MREG: variants seen among roughly 807,000 people sequenced by gnomAD.
MREG encodes dilute suppressor protein homolog.
In MREG, 31 loss-of-function variants were observed where a neutral mutation model predicts 28.5. The ratio of observed to expected loss-of-function variants is 1.09; its 90% CI spans 0.82 to 1.47. The LOEUF (loss-of-function observed/expected upper bound fraction) is 1.47, where lower values mean the gene tolerates loss of function less well. Among genes scored for constraint, MREG ranks in the 40% most tolerant of loss-of-function variants. The probability of loss-of-function intolerance (pLI) is 0.00; values close to 1 mark genes in which losing one functional copy is unlikely to be tolerated. For missense variants in MREG, 256 were observed against 257.4 expected (o/e 0.99, Z 0.04); for synonymous variants, 106 against 95.2 (o/e 1.11, Z -0.66).
intron 2 of MREG, among the ~76,000 whole-genome samples, chr2:215,979,984 A>AG (rs371560258): frequency 6.7e-6 from 1 of 149,720 alleles, no homozygotes; most frequent in African/African-American, 2.5e-5. Context: ...CAAACAAAAA[A>AG]AAAAAACAAA....
intron 1 of MREG, among the ~76,000 whole-genome samples, chr2:216,021,501 G>A (rs913785457): frequency 1.3e-5 from 2 of 152,270 alleles, no homozygotes; most frequent in Non-Finnish European, 2.9e-5. Context: ...AGAGACACTC[G>A]CTTTTGGGGC....
upstream of MREG, among the ~76,000 whole-genome samples, chr2:216,017,501 A>C (rs899215078): frequency 2.0e-5 from 3 of 152,242 alleles, no homozygotes; most frequent in Admixed American, 6.5e-5. Flanking sequence ...ACAGGGCAGC[A>C]GCAAGTTTCC....
At chr2:216,030,956 T>TCTCA (rs1488100346) in intron 1 of MREG, among the ~76,000 whole-genome samples, 37 of 113,400 alleles carry the variant, frequency 3.3e-4, no homozygotes, top group East Asian at 1.9e-3. Flanking sequence ...TCTCTCTCTC[T>TCTCA]CACACACACA....
intron 2 of MREG, among the ~76,000 whole-genome samples, chr2:215,956,541 G>A (rs1033445814): frequency 1.3e-5 from 2 of 152,026 alleles, no homozygotes; most frequent in African/African-American, 2.4e-5. Flanking sequence ...TTTTGGTGTT[G>A]TTTGTTGTTG....
chr2:215,998,326 T>A lies in MREG; in HGVS notation c.96-1861A>T, dbSNP rs11682923. 8.0e-3 allele frequency among the ~76,000 whole-genome samples: 1,136 copies of A among 142,256 alleles called. 8 individuals carry two copies. The highest frequency in any genetic ancestry group is 0.018 in the Middle Eastern group (5 of 282). The allele number at this position is 142,256 out of a possible 152,430, so 93.3% of individuals were successfully genotyped here. ...ATCTCACAAAAAAAAAAAAAAATAATAATAATAATAATAATAATAATTGGG... is the reference window on the plus strand; with the variant it reads ...ATCTCACAAAAAAAAAAAAAAATAAAAATAATAATAATAATAATAATTGGG... On this transcript the variant is annotated intron_variant, in intron 1 of 4. Coordinates refer to ENST00000263268, the MANE Select transcript of MREG (RefSeq NM_018000.3).
At chr2:215,967,555 A>G (rs1692975887) in intron 2 of MREG, among the ~76,000 whole-genome samples, 1 of 152,228 alleles carries the variant, frequency 6.6e-6, no homozygotes, top group African/African-American at 2.4e-5. Context: ...ATCATAAATC[A>G]GGGGGTATAA....
At chr2:216,008,891 G>C (rs892598355) in intron 1 of MREG, among the ~76,000 whole-genome samples, 1 of 152,188 alleles carries the variant, frequency 6.6e-6, no homozygotes, top group African/African-American at 2.4e-5. Context: ...CCTTGTCAGA[G>C]ACACTTTCCT....
intron 1 of MREG, among the ~76,000 whole-genome samples, chr2:216,030,631 C>T (rs1334123376): frequency 6.6e-6 from 1 of 151,982 alleles, no homozygotes; most frequent in Non-Finnish European, 1.5e-5. Context: ...GCAACCTCCG[C>T]CCCCAGGTTC....
At chr2:215,958,863 G>A (rs1692704754) in intron 2 of MREG, among the ~76,000 whole-genome samples, 1 of 152,180 alleles carries the variant, frequency 6.6e-6, no homozygotes, top group South Asian at 2.1e-4. Flanking sequence ...TATGGGAAAG[G>A]GAAAAGGAGA....
At chr2:215,973,267 C>T (rs1291626682) in intron 2 of MREG, among the ~76,000 whole-genome samples, 1 of 152,238 alleles carries the variant, frequency 6.6e-6, no homozygotes, top group African/African-American at 2.4e-5. Flanking sequence ...AAACTTCTGC[C>T]TGGACAAGCA....
At position 215,944,946 on chromosome 2, in the gene MREG, G is replaced by A. The variant is rs1692282118; in HGVS notation, c.562C>T (p.Arg188Ter). Residue 188 changes from arginine to a stop codon, truncating the protein, a stop_gained, in exon 5 of 5, where the codon CGA becomes TGA. Transcript: ENST00000263268. LOFTEE classifies it high-confidence loss of function. ...ACCCCAGGCTTCTTGGGGTAAGTTC[G>A]ACGAGCAAGCTTAAAGAACTCTTCT... is the stretch of plus-strand genomic sequence containing the variant. ...AAEEFFKLAR[R>*]TYPKKPGVPC... The A allele has an allele frequency of 1.2e-6, 2 of 1,607,592 alleles. No individual in the cohort carries two copies. The highest frequency in any genetic ancestry group is 8.5e-7 in the Non-Finnish European group (1 of 1,174,970).
At chr2:216,030,256 C>T (rs1452048012) in intron 1 of MREG, among the ~76,000 whole-genome samples, 1 of 152,086 alleles carries the variant, frequency 6.6e-6, no homozygotes, top group African/African-American at 2.4e-5. Flanking sequence ...TCAAAATAAT[C>T]TCTTCATTGT....
intron 1 of MREG, among the ~76,000 whole-genome samples, chr2:216,019,355 C>G (rs761969712): frequency 1.3e-5 from 2 of 152,084 alleles, no homozygotes; most frequent in Non-Finnish European, 2.9e-5. Flanking sequence ...GTACAACACA[C>G]CAAAGTTTGA....
At chr2:216,016,450 A>G (rs1398934945), upstream of MREG, among the ~76,000 whole-genome samples, 1 of 152,192 alleles carries the variant, frequency 6.6e-6, no homozygotes, top group African/African-American at 2.4e-5. Context: ...TTTGAGTTGG[A>G]TTTGCTGAGA....
chr2:215,957,920 G>A (rs975990280), intron 2 of MREG, among the ~76,000 whole-genome samples: 6 of 151,982 alleles, frequency 3.9e-5, no homozygotes, highest in South Asian at 2.1e-4. Flanking sequence ...GGAATACTAC[G>A]CAGCCATAAA....
chr2:216,028,270 C>T (rs546566502), intron 1 of MREG, among the ~76,000 whole-genome samples: 5 of 152,118 alleles, frequency 3.3e-5, no homozygotes, highest in African/African-American at 1.2e-4. Context: ...AATCCCAGCA[C>T]TTTGGGAGGC....
chr2:215,939,917 T>C (rs1222174086), downstream of MREG, among the ~76,000 whole-genome samples: 2 of 152,250 alleles, frequency 1.3e-5, no homozygotes, highest in African/African-American at 4.8e-5. Flanking sequence ...CAGATGTTTT[T>C]TTAAAAAGTA....
downstream of MREG, among the ~76,000 whole-genome samples, chr2:215,942,286 T>C (rs1469299419): frequency 6.6e-6 from 1 of 152,150 alleles, no homozygotes; most frequent in Non-Finnish European, 1.5e-5. Context: ...AAAGGAGTAC[T>C]AAAGTAGTCG....
intron 2 of MREG, among the ~76,000 whole-genome samples, chr2:215,964,909 C>T (rs1692900966): frequency 6.6e-6 from 1 of 151,754 alleles, no homozygotes; most frequent in African/African-American, 2.4e-5. Flanking sequence ...TTTTAAAATA[C>T]CAGAAGCAAA....
Sources: allele counts gnomAD v4.1 joint callset (sites outside exome capture counted in the v4.1 genomes callset), GRCh38; gene constraint gnomAD v4.1.1; transcripts MANE v1.5; gene names NCBI Gene and HGNC (gene_info 2026-07-23, HGNC 2026-07-21).